The following KCNQ3 variants were observed in gnomAD, a reference collection of about 807,000 sequenced individuals.
The protein encoded by KCNQ3 is potassium voltage-gated channel subfamily Q member 3.
A neutral mutation model predicts 92.5 loss-of-function variants in KCNQ3; 30 were observed. That is an observed-to-expected ratio of 0.32 (90% confidence interval 0.24 to 0.44). The LOEUF (loss-of-function observed/expected upper bound fraction) is 0.44, where lower values mean the gene tolerates loss of function less well. Ranked by LOEUF, KCNQ3 falls within the 20% of genes least tolerant of loss-of-function variation. The probability of loss-of-function intolerance (pLI) is 1.00; values close to 1 mark genes in which losing one functional copy is unlikely to be tolerated. For missense variants in KCNQ3, 913 were observed against 1,140.3 expected, an observed-to-expected ratio of 0.80 and a Z score of 2.87; for synonymous variants, 450 against 468.8, an observed-to-expected ratio of 0.96 and a Z score of 0.52.
At chr8:132,202,777 G>A (rs932905476) in intron 1 of KCNQ3, among the ~76,000 whole-genome samples, 8 of 152,136 alleles carry the variant, frequency 5.3e-5, no homozygotes, top group Non-Finnish European at 7.4e-5. Flanking sequence ...TCTGCCTCCC[G>A]GGTTCAAGCA....
At chr8:132,278,764 CA>C (rs1260258687) in intron 1 of KCNQ3, among the ~76,000 whole-genome samples, 1 of 152,178 alleles carries the variant, frequency 6.6e-6, no homozygotes, top group East Asian at 1.9e-4. Context: ...TATGCACATT[CA>C]ACTTTAAGAA....
intron 1 of KCNQ3, among the ~76,000 whole-genome samples, chr8:132,403,880 T>C (rs551773721): frequency 6.6e-6 from 1 of 152,308 alleles, no homozygotes; most frequent in East Asian, 1.9e-4. Context: ...GGAAACCTCA[T>C]GAAACATCCT....
At chr8:132,208,596 G>T (rs1464936651) in intron 1 of KCNQ3, among the ~76,000 whole-genome samples, 1 of 152,090 alleles carries the variant, frequency 6.6e-6, no homozygotes, top group Non-Finnish European at 1.5e-5. Flanking sequence ...GTTTTGATAT[G>T]TAGAAAAAGA....
At chr8:132,269,993 C>A (rs776642901) in intron 1 of KCNQ3, among the ~76,000 whole-genome samples, 14 of 152,158 alleles carry the variant, frequency 9.2e-5, no homozygotes, top group Non-Finnish European at 1.6e-4. Context: ...ACATTTTGAT[C>A]ACCAGCTCCA....
At chr8:132,223,770 G>A (rs1315902708) in intron 1 of KCNQ3, among the ~76,000 whole-genome samples, 10 of 152,134 alleles carry the variant, frequency 6.6e-5, no homozygotes, top group Non-Finnish European at 1.5e-5. Flanking sequence ...GGTACTCATA[G>A]AGAGACTAAA....
chr8:132,368,812 C>A (rs2130734606), intron 1 of KCNQ3, among the ~76,000 whole-genome samples: 1 of 152,276 alleles, frequency 6.6e-6, no homozygotes, highest in East Asian at 1.9e-4. Context: ...TATCCACAAC[C>A]AGTTTCTGTA....
intron 1 of KCNQ3, among the ~76,000 whole-genome samples, chr8:132,469,061 G>A (rs1822243305): frequency 6.6e-6 from 1 of 152,182 alleles, no homozygotes; most frequent in African/African-American, 2.4e-5. Flanking sequence ...AAATCAGAGG[G>A]GGCCTCAAAA....
At chr8:132,212,061 T>C (rs1277790327) in intron 1 of KCNQ3, among the ~76,000 whole-genome samples, 2 of 152,006 alleles carry the variant, frequency 1.3e-5, no homozygotes, top group Admixed American at 6.6e-5. Context: ...CCTGACCCCC[T>C]GGGCTTAGCT....
At chr8:132,251,550 G>A (rs1419253812) in intron 1 of KCNQ3, among the ~76,000 whole-genome samples, 4 of 152,228 alleles carry the variant, frequency 2.6e-5, no homozygotes, top group African/African-American at 9.6e-5. Context: ...TGTTTCTGAT[G>A]TGTTCCTGTT....
At chr8:132,461,815 A>G (rs1822067737) in intron 1 of KCNQ3, among the ~76,000 whole-genome samples, 1 of 152,196 alleles carries the variant, frequency 6.6e-6, no homozygotes, top group African/African-American at 2.4e-5. Flanking sequence ...TCTGCCATCT[A>G]TATATCTTCT....
intron 1 of KCNQ3, among the ~76,000 whole-genome samples, chr8:132,275,022 GT>G (rs1426591751): frequency 6.6e-6 from 1 of 152,214 alleles, no homozygotes; most frequent in Non-Finnish European, 1.5e-5. Flanking sequence ...AAGGTGATGG[GT>G]TTAATTGGTA....
intron 1 of KCNQ3, among the ~76,000 whole-genome samples, chr8:132,345,935 ATGATGATGATGG>A (rs1216492800): frequency 1.3e-5 from 2 of 151,978 alleles, no homozygotes; most frequent in African/African-American, 4.8e-5. Flanking sequence ...GATGATGATG[ATGATGATGATGG>A]TGATGATGAT....
chr8:132,365,526 C>G (rs775455116), intron 1 of KCNQ3, among the ~76,000 whole-genome samples: 1 of 152,104 alleles, frequency 6.6e-6, no homozygotes, highest in Non-Finnish European at 1.5e-5. Flanking sequence ...GTTTTCAGGC[C>G]GGCTCTGACA....
chr8:132,218,263 C>T (rs1484211741), intron 1 of KCNQ3, among the ~76,000 whole-genome samples: 1 of 152,200 alleles, frequency 6.6e-6, no homozygotes, highest in African/African-American at 2.4e-5. Context: ...ACCTGGGACA[C>T]TACCTAGCAC....
At chr8:132,399,061 G>A (rs146714627) in intron 1 of KCNQ3, among the ~76,000 whole-genome samples, 38 of 152,292 alleles carry the variant, frequency 2.5e-4, no homozygotes, top group Admixed American at 9.8e-4. Context: ...CAACAAAATA[G>A]GAAGGCTTCT....
At chr8:132,264,707 C>A (rs752374247) in intron 1 of KCNQ3, among the ~76,000 whole-genome samples, 1 of 152,180 alleles carries the variant, frequency 6.6e-6, no homozygotes, top group East Asian at 1.9e-4. Context: ...GCTTTAAATC[C>A]GTGCTCTATC....
rs1293380040 is a variant in KCNQ3 at position 132,141,111 on chromosome 8, G to A, written c.1465+18C>T. ...GGAAGAAGTGGAAGAGACAGGGAGG[G>A]AGATAAAAAGGCATTACCTTCAGAA... On this transcript the variant is annotated intron_variant, in intron 10 of 14. Transcript: ENST00000388996. 6.2e-7 allele frequency: 1 copy of A among 1,609,216 alleles called. No individual in the cohort carries two copies. The highest frequency in any genetic ancestry group is 1.3e-5 in the African/African-American group (1 of 74,802).
At chr8:132,259,146 T>C (rs1323743654) in intron 1 of KCNQ3, among the ~76,000 whole-genome samples, 2 of 152,084 alleles carry the variant, frequency 1.3e-5, no homozygotes, top group African/African-American at 4.8e-5. Context: ...ATCTCCCAAC[T>C]CATTTTATGA....
At chr8:132,133,431 C>T (rs1824953963) in intron 13 of KCNQ3, among the ~76,000 whole-genome samples, 1 of 141,988 alleles carries the variant, frequency 7.0e-6, no homozygotes. Flanking sequence ...TCTCGGCTCA[C>T]TGCAACCTCT....
Sources: gnomAD v4.1 joint callset for allele counts (sites outside exome capture counted in the v4.1 genomes callset) on GRCh38, gnomAD v4.1.1 for gene constraint, MANE v1.5 for transcripts, NCBI Gene and HGNC (gene_info 2026-07-23, HGNC 2026-07-21) for gene names.